The following PUM2 variants were observed in gnomAD, a reference collection of about 807,000 sequenced individuals.
PUM2 encodes pumilio RNA binding family member 2.
PUM2 carries 57 observed loss-of-function variants against 124.5 expected under a neutral mutation model. That is an observed-to-expected ratio of 0.46 (90% CI 0.37 to 0.57). The LOEUF is 0.57. PUM2 is among the 20% of genes least tolerant of loss of function. The probability of loss-of-function intolerance (pLI) is 0.00; values close to 1 mark genes in which losing one functional copy is unlikely to be tolerated. For synonymous variants in PUM2, 460 were observed against 446.1 expected, an observed-to-expected ratio of 1.03 and a Z score of -0.39; for missense variants, 1,065 against 1,290.6, an observed-to-expected ratio of 0.83 and a Z score of 2.68.
chr2:20,343,699 C>A lies in PUM2; in HGVS notation c.-19+6898G>T, dbSNP rs897385942. 3.9e-5 allele frequency among the ~76,000 whole-genome samples: 6 copies of A among 152,266 alleles called. No individual in the cohort carries two copies. The South Asian group carries it at 6.2e-4, about 16-fold the overall frequency. On this transcript the variant is annotated intron_variant, in intron 1 of 20. Transcript: ENST00000361078. ...GGAGGATTGCTTTAGTCCAGGAATT[C>A]GAGACCACATGGGGCAACAAATTCG...
At chr2:20,284,228 T>C (rs1672194890) in intron 10 of PUM2, among the ~76,000 whole-genome samples, 1 of 152,222 alleles carries the variant, frequency 6.6e-6, no homozygotes, top group South Asian at 2.1e-4. Context: ...CTATATACAC[T>C]GTGGATACTT....
At chr2:20,286,709 CT>C (rs1321729529) in intron 10 of PUM2, among the ~76,000 whole-genome samples, 7 of 151,768 alleles carry the variant, frequency 4.6e-5, no homozygotes, top group East Asian at 1.9e-4. Context: ...TATTCTCTCT[CT>C]TTTTTTTAGA....
At chr2:20,332,827 G>A (rs1685199840) in intron 1 of PUM2, 1 of 152,030 alleles carries the variant, frequency 6.6e-6, no homozygotes, top group Non-Finnish European at 1.5e-5. Context: ...CTATTTCACT[G>A]TTTATTTGAA....
chr2:20,292,149 C>T (rs1300767780), intron 9 of PUM2, among the ~76,000 whole-genome samples: 1 of 151,046 alleles, frequency 6.6e-6, no homozygotes, highest in African/African-American at 2.4e-5. Flanking sequence ...TGCTTTTGCT[C>T]CCGGCGCCAC....
rs2148349453 is a variant in PUM2 at position 20,251,474 on chromosome 2, T to G, written c.*111A>C. 14 of 1,329,518 alleles carry G rather than the reference T, an allele frequency of 1.1e-5. 1 individual carries two copies. In the South Asian group the frequency reaches 2.0e-4, roughly 19 times the overall value. 82.4% of individuals were successfully genotyped at this position (1,329,518 alleles called of 1,614,324 possible). On this transcript the variant is annotated 3_prime_UTR_variant, in exon 21 of 21. Transcript: ENST00000361078. ...GGATGAATAAAGTCAATAAATAGTT[T>G]TGCTTTAAAAAAAAATTGAAGATTC...
chr2:20,323,313 T>C (rs575105285), intron 2 of PUM2, among the ~76,000 whole-genome samples: 1 of 152,136 alleles, frequency 6.6e-6, no homozygotes, highest in African/African-American at 2.4e-5. Context: ...CCAGGCGTAG[T>C]GGCACACGCC....
intron 3 of PUM2, among the ~76,000 whole-genome samples, chr2:20,316,393 T>C (rs965812223): frequency 5.3e-5 from 8 of 152,146 alleles, no homozygotes; most frequent in African/African-American, 1.9e-4. Context: ...AAATATCTCA[T>C]GATTAACACT....
At chr2:20,267,609 G>A (rs144000179) in intron 13 of PUM2, among the ~76,000 whole-genome samples, 129 of 152,222 alleles carry the variant, frequency 8.5e-4, no homozygotes, top group Middle Eastern at 6.8e-3. Context: ...TTTTCATTTC[G>A]TCATTCAGTC....
At chr2:20,268,405 A>G (rs550837320) in intron 13 of PUM2, among the ~76,000 whole-genome samples, 1 of 152,170 alleles carries the variant, frequency 6.6e-6, no homozygotes, top group African/African-American at 2.4e-5. Flanking sequence ...TGAGGTTAAG[A>G]GTTCAAGACC....
intron 7 of PUM2, among the ~76,000 whole-genome samples, chr2:20,303,257 A>G (rs539838460): frequency 6.8e-6 from 1 of 146,924 alleles, no homozygotes; most frequent in African/African-American, 2.5e-5. Flanking sequence ...ATGGTTGAGC[A>G]AGTCCTCCTC....
At chr2:20,317,241 A>G (rs967698291) in intron 3 of PUM2, among the ~76,000 whole-genome samples, 2 of 152,198 alleles carry the variant, frequency 1.3e-5, no homozygotes, top group African/African-American at 4.8e-5. Context: ...TAATTTGCCA[A>G]CACTGTCACT....
intron 2 of PUM2, among the ~76,000 whole-genome samples, chr2:20,322,357 A>T (rs1057110372): frequency 1.3e-5 from 2 of 152,106 alleles, no homozygotes; most frequent in African/African-American, 2.4e-5. Flanking sequence ...GGGAGGTGAG[A>T]AGATAGTTTG....
At chr2:20,290,313 T>C (rs1179865362) in intron 10 of PUM2, among the ~76,000 whole-genome samples, 5 of 152,208 alleles carry the variant, frequency 3.3e-5, no homozygotes, top group East Asian at 1.9e-4. Context: ...GAGTGGCAAA[T>C]AGATTGTCTT....
At chr2:20,286,924 C>G (rs1298832375) in intron 10 of PUM2, among the ~76,000 whole-genome samples, 5 of 151,580 alleles carry the variant, frequency 3.3e-5, no homozygotes, top group Non-Finnish European at 5.9e-5. Context: ...CTGATCTCAT[C>G]TGAATTATCT....
At position 20,343,502 on chromosome 2, in the gene PUM2, T is replaced by C. The variant is rs1030091123; in HGVS notation, c.-19+7095A>G. ...AACTAGTAAGTTTAAAGCTAACCAG[T>C]TGTGCTAGTAATTGTACAAACAGTA... On this transcript the variant is annotated intron_variant, in intron 1 of 20. Transcript: ENST00000361078. Among the ~76,000 whole-genome samples, 12 of 152,222 alleles carry C rather than the reference T, an allele frequency of 7.9e-5. 1 individual carries two copies. Among genetic ancestry groups the C allele is most frequent in the African/African-American group, 2.7e-4 (11 of 41,466 alleles).
chr2:20,324,611 C>T (rs961079419), intron 2 of PUM2, among the ~76,000 whole-genome samples: 2 of 152,162 alleles, frequency 1.3e-5, no homozygotes, highest in East Asian at 3.8e-4. Context: ...AGAGTTCAAT[C>T]TCCTATAGAT....
chr2:20,349,306 GATT>G (rs1187216134), intron 1 of PUM2, among the ~76,000 whole-genome samples: 3 of 152,082 alleles, frequency 2.0e-5, no homozygotes, highest in Non-Finnish European at 4.4e-5. Context: ...TTATTTTTAA[GATT>G]ATCGTAAACC....
At chr2:20,335,850 A>T (rs1391740530) in intron 1 of PUM2, among the ~76,000 whole-genome samples, 2 of 152,260 alleles carry the variant, frequency 1.3e-5, no homozygotes, top group Non-Finnish European at 2.9e-5. Context: ...CCCATCATTT[A>T]GACAAATCTA....
At position 20,318,653 on chromosome 2, in the gene PUM2, G is replaced by A; in HGVS notation, c.52-8C>T. 1 of 1,587,434 alleles carries A rather than the reference G, an allele frequency of 6.3e-7. No homozygotes were observed. Among genetic ancestry groups the A allele is most frequent in the Non-Finnish European group, 8.6e-7 (1 of 1,157,904 alleles). On this transcript the variant is annotated splice_region_variant and splice_polypyrimidine_tract_variant and intron_variant, in intron 2 of 20. Coordinates refer to ENST00000361078, the MANE Select transcript of PUM2 (RefSeq NM_015317.5). ...CTTTTTGGTAGGCAAAAGCTATTTG[G>A]AGGAAAAATTACAGTTAAATTTTAT...
Sources: allele counts gnomAD v4.1 joint callset (sites outside exome capture counted in the v4.1 genomes callset), GRCh38; gene constraint gnomAD v4.1.1; transcripts MANE v1.5; gene names NCBI Gene and HGNC (gene_info 2026-07-23, HGNC 2026-07-21).